Variants in TCF7L2 observed in about 807,000 individuals in gnomAD.
TCF7L2 encodes transcription factor 7 like 2, also known as transcription factor 7-like 2.
TCF7L2 carries 23 observed loss-of-function variants against 77.9 expected under a neutral mutation model. The observed-to-expected ratio is 0.30, with a 90% CI of 0.21 to 0.42. The LOEUF is 0.42. TCF7L2 is among the 10% of genes least tolerant of loss of function. TCF7L2 has a pLI of 1.00. For synonymous variants in TCF7L2, 413 were observed against 340.2 expected, an observed-to-expected ratio of 1.21 and a Z score of -2.36; for missense variants, 654 against 793.1, an observed-to-expected ratio of 0.82 and a Z score of 2.11.
chr10:113,082,460 G>C (rs2059410503), intron 5 of TCF7L2, among the ~76,000 whole-genome samples: 2 of 152,078 alleles, frequency 1.3e-5, no homozygotes. Context: ...AAAAGAAACA[G>C]TTGACAAAAC....
chr10:113,132,348 A>G (rs1291174398), intron 5 of TCF7L2, among the ~76,000 whole-genome samples: 2 of 152,248 alleles, frequency 1.3e-5, no homozygotes, highest in African/African-American at 4.8e-5. Context: ...CAAGAAAAAC[A>G]AAAGACCTTT....
intron 5 of TCF7L2, among the ~76,000 whole-genome samples, chr10:113,086,580 C>T (rs1465618801): frequency 3.9e-5 from 6 of 152,180 alleles, no homozygotes; most frequent in African/African-American, 1.4e-4. Context: ...GGGTGGGGTT[C>T]ACTCCACTAA....
At chr10:113,102,120 A>C (rs1363990428) in intron 5 of TCF7L2, among the ~76,000 whole-genome samples, 4 of 129,336 alleles carry the variant, frequency 3.1e-5, no homozygotes, top group Admixed American at 7.5e-5. Flanking sequence ...TCAAAAAAAA[A>C]AAAAAAAAAA....
intron 5 of TCF7L2, among the ~76,000 whole-genome samples, chr10:113,099,116 C>G (rs1366781645): frequency 1.3e-5 from 2 of 152,182 alleles, no homozygotes; most frequent in African/African-American, 2.4e-5. Flanking sequence ...CTGTCCTTGC[C>G]TGTACACCTA....
chr10:113,031,952 A>C (rs2050296070), intron 4 of TCF7L2, among the ~76,000 whole-genome samples: 2 of 152,202 alleles, frequency 1.3e-5, no homozygotes, highest in Admixed American at 6.5e-5. Context: ...TTGGAGTAGA[A>C]AGAGTTTTAG....
chr10:112,988,199 G>A (rs1564749408), intron 4 of TCF7L2, among the ~76,000 whole-genome samples: 1 of 151,816 alleles, frequency 6.6e-6, no homozygotes, highest in Non-Finnish European at 1.5e-5. Context: ...CTGGGTTCAA[G>A]CAATTCTCTT....
chr10:113,125,001 T>G (rs1000576588), intron 5 of TCF7L2, among the ~76,000 whole-genome samples: 5 of 152,134 alleles, frequency 3.3e-5, no homozygotes, highest in African/African-American at 9.7e-5. Context: ...AAAGGAAACT[T>G]AAGAGTTTCT....
intron 4 of TCF7L2, among the ~76,000 whole-genome samples, chr10:113,039,018 C>T (rs1723232139): frequency 6.6e-6 from 1 of 152,168 alleles, no homozygotes; most frequent in South Asian, 2.1e-4. Context: ...AGTGAGTTGG[C>T]CTTGAGAAGC....
intron 5 of TCF7L2, among the ~76,000 whole-genome samples, chr10:113,106,175 T>A (rs1304857087): frequency 6.6e-6 from 1 of 152,128 alleles, no homozygotes; most frequent in Non-Finnish European, 1.5e-5. Flanking sequence ...GAGTAATGTG[T>A]TCACTGTGGT....
intron 5 of TCF7L2, among the ~76,000 whole-genome samples, chr10:113,118,669 TTTTTTTTTG>T (rs1564918900): frequency 1.0e-4 from 3 of 28,668 alleles, no homozygotes; most frequent in Admixed American, 2.2e-4. Context: ...TTTTTGTTTT[TTTTTTTTTG>T]TTTTTTTTAT....
intron 5 of TCF7L2, among the ~76,000 whole-genome samples, chr10:113,078,004 G>A (rs934770796): frequency 1.3e-5 from 2 of 151,632 alleles, no homozygotes; most frequent in African/African-American, 2.4e-5. Flanking sequence ...CCAAAGTGCT[G>A]GGATTACAGG....
chr10:113,048,536 G>T (rs1052700196), intron 5 of TCF7L2, among the ~76,000 whole-genome samples: 5 of 152,200 alleles, frequency 3.3e-5, no homozygotes. Context: ...AACCATCTTG[G>T]TTAGCACAAG....
At chr10:112,959,133 C>T (rs116399759) in intron 3 of TCF7L2, among the ~76,000 whole-genome samples, 1,553 of 151,758 alleles carry the variant, frequency 0.01, 30 homozygotes, top group African/African-American at 0.034. Context: ...AAAATCAACC[C>T]AGAAATGCCC....
Position 112,951,468 on chromosome 10 carries a change from G to C in TCF7L2, c.257-15G>C. On this transcript the variant is annotated splice_polypyrimidine_tract_variant and intron_variant, in intron 2 of 13. Coordinates refer to ENST00000627217, the MANE Select transcript of TCF7L2 (RefSeq NM_001146274.2). ...GCGCGGCCGCCGCTGTCCCCTCGCC[G>C]CCCCGCCATGTTAGCGGCCAAGAGG... 2 of 1,411,662 alleles carry C rather than the reference G, an allele frequency of 1.4e-6. No individual in the cohort carries two copies. The highest frequency in any genetic ancestry group is 1.9e-6 in the Non-Finnish European group (2 of 1,058,738). 87.4% of individuals were successfully genotyped at this position (1,411,662 alleles called of 1,614,324 possible).
chr10:113,009,829 GGGGAGAGGTAA>G (rs2046163017), intron 4 of TCF7L2, among the ~76,000 whole-genome samples: 1 of 152,212 alleles, frequency 6.6e-6, no homozygotes, highest in South Asian at 2.1e-4. Context: ...TGAGTCTCAA[GGGGAGAGGTAA>G]GGGAGAGATG....
chr10:113,101,083 G>GAA (rs139885817), intron 5 of TCF7L2, among the ~76,000 whole-genome samples: 1 of 151,934 alleles, frequency 6.6e-6, no homozygotes, highest in Admixed American at 6.6e-5. Context: ...CTCAAGGGGG[G>GAA]AAAAAATCCA....
chr10:113,088,837 C>T (rs147334395), intron 5 of TCF7L2, among the ~76,000 whole-genome samples: 23 of 151,658 alleles, frequency 1.5e-4, no homozygotes, highest in African/African-American at 2.2e-4. Context: ...AGTGTGGTGG[C>T]GTGCACCTGT....
chr10:113,073,152 CAG>C (rs1223138258), intron 5 of TCF7L2, among the ~76,000 whole-genome samples: 15 of 103,874 alleles, frequency 1.4e-4, no homozygotes, highest in African/African-American at 5.8e-4. Flanking sequence ...GAGAGAGAGA[CAG>C]AGAGAGAGAT....
chr10:113,078,561 G>A (rs144177089), intron 5 of TCF7L2, among the ~76,000 whole-genome samples: 8 of 151,872 alleles, frequency 5.3e-5, no homozygotes, highest in Admixed American at 2.0e-4. Flanking sequence ...AATTTTTTTT[G>A]CAGAGATGGG....
Sources: allele counts gnomAD v4.1 joint callset (sites outside exome capture counted in the v4.1 genomes callset), GRCh38; gene constraint gnomAD v4.1.1; transcripts MANE v1.5; gene names NCBI Gene and HGNC (gene_info 2026-07-23, HGNC 2026-07-21).